Variants in ESRP1 observed in about 807,000 individuals in gnomAD.
ESRP1 encodes the protein RNA-binding motif protein 35A.
In ESRP1, 33 loss-of-function variants were observed where a neutral mutation model predicts 81.7. The observed-to-expected ratio is 0.40, with a 90% CI of 0.31 to 0.54. The LOEUF (loss-of-function observed/expected upper bound fraction) is 0.54. ESRP1 is among the 20% of genes least tolerant of loss of function. The pLI is 0.41. For synonymous variants in ESRP1, 320 were observed against 303.3 expected, an observed-to-expected ratio of 1.06 and a Z score of -0.57; for missense variants, 672 against 833.1, an observed-to-expected ratio of 0.81 and a Z score of 2.38.
chr8:94,672,309 A>C (rs867709028), intron 11 of ESRP1, among the ~76,000 whole-genome samples: 3 of 152,308 alleles, frequency 2.0e-5, no homozygotes, highest in South Asian at 4.1e-4. Context: ...TGTGGATCAT[A>C]ACAGGCTCTC....
At chr8:94,643,263 G>C (rs766872252) in intron 2 of ESRP1, 40 bp from the exon 3 acceptor site, 8 of 1,347,094 alleles carry the variant, frequency 5.9e-6, no homozygotes, top group Non-Finnish European at 8.5e-6. Flanking sequence ...TTTGTAAATC[G>C]TGCATCAGTT....
intron 12 of ESRP1, 136 bp downstream of exon 12, chr8:94,674,642 C>A: frequency 1.4e-6 from 1 of 697,058 alleles, no homozygotes; most frequent in Non-Finnish European, 2.3e-6. Context: ...CATCTGTAAT[C>A]AGTAGTACCT....
intron 9 of ESRP1, among the ~76,000 whole-genome samples, chr8:94,665,976 A>G (rs975982421): frequency 3.3e-5 from 5 of 152,206 alleles, no homozygotes; most frequent in Admixed American, 2.0e-4. Context: ...ATGGTTAAAA[A>G]CAGGGTGGAA....
At chr8:94,688,403 G>A (rs1809232204) in intron 13 of ESRP1, 1 of 279,322 alleles carries the variant, frequency 3.6e-6, no homozygotes, top group South Asian at 4.5e-5. Flanking sequence ...CAGAGCTGGG[G>A]AAATTGTTGT....
At position 94,668,162 on chromosome 8, in the gene ESRP1, A is replaced by G; in HGVS notation, c.1145A>G (p.Tyr382Cys). The change falls in exon 10 of 16, where the codon TAT becomes TGT. Residue 382 changes from tyrosine (Y) to cysteine (C), a missense_variant. Transcript: ENST00000433389. ...TTTGTCCTCTTTGCCTGTGAGGAAT[A>G]TGCACAGAATGCGTTGAGGAAGCAT... ...DAFVLFACEE[Y>C]AQNALRKHKD... 1 of 1,614,012 alleles carries G rather than the reference A, an allele frequency of 6.2e-7. No individual in the cohort carries two copies. The highest frequency in any genetic ancestry group is 8.5e-7 in the Non-Finnish European group (1 of 1,179,886).
chr8:94,657,723 C>G (rs1009952555), intron 4 of ESRP1, among the ~76,000 whole-genome samples: 2 of 152,178 alleles, frequency 1.3e-5, no homozygotes, highest in African/African-American at 4.8e-5. Flanking sequence ...AGCTACAAGT[C>G]TATTTCTAAC....
In ESRP1 at chr8:94,655,073, G is replaced by T. The variant is rs1327231045; in HGVS notation, c.491-7199G>T. On this transcript the variant is annotated intron_variant, in intron 4 of 15. Transcript: ENST00000433389. Reference sequence around the variant, plus strand: ...GAGGTTTTTTGGGTTTTTTGTGTGTGTGTGTGTGTGTGTGTTTTGTTTTGT... The same window carrying T: ...GAGGTTTTTTGGGTTTTTTGTGTGTTTGTGTGTGTGTGTGTTTTGTTTTGT... Among the ~76,000 whole-genome samples the T allele has an allele frequency of 9.4e-5, 11 of 117,352 alleles. No homozygotes were observed. The East Asian group carries it at 1.0e-3, about 11-fold the overall frequency. 77.0% of individuals were successfully genotyped at this position (117,352 alleles called of 152,430 possible). A position where few individuals can be genotyped will look rare whatever the true frequency, so the allele number is the denominator to read the frequency against.
intron 4 of ESRP1, among the ~76,000 whole-genome samples, chr8:94,650,983 G>A (rs1339167914): frequency 2.6e-5 from 4 of 152,124 alleles, no homozygotes; most frequent in Non-Finnish European, 5.9e-5. Flanking sequence ...GAGATTATAG[G>A]CGTGAGCCAC....
intron 11 of ESRP1, among the ~76,000 whole-genome samples, chr8:94,673,744 A>G (rs1819449591): frequency 6.6e-6 from 1 of 152,166 alleles, no homozygotes; most frequent in Admixed American, 6.5e-5. Flanking sequence ...CTCACAAATC[A>G]TCACTGGGCC....
At chr8:94,686,986 T>G (rs1175834487) in intron 13 of ESRP1, among the ~76,000 whole-genome samples, 1 of 152,218 alleles carries the variant, frequency 6.6e-6, no homozygotes, top group African/African-American at 2.4e-5. Flanking sequence ...CTATTTTAGG[T>G]GTTCGGTCAT....
intron 13 of ESRP1, among the ~76,000 whole-genome samples, chr8:94,684,340 C>T (rs962142151): frequency 6.6e-6 from 1 of 152,158 alleles, no homozygotes; most frequent in Non-Finnish European, 1.5e-5. Flanking sequence ...CTTTTAGGAG[C>T]ACTAACAGAA....
At chr8:94,652,125 T>C (rs1020687161) in intron 4 of ESRP1, among the ~76,000 whole-genome samples, 11 of 151,152 alleles carry the variant, frequency 7.3e-5, no homozygotes, top group African/African-American at 2.7e-4. Context: ...GTAGGTGAGA[T>C]TACAGGCATG....
chr8:94,652,479 G>GT (rs11390715), intron 4 of ESRP1, among the ~76,000 whole-genome samples: 24,789 of 146,456 alleles, frequency 0.17, 2,278 homozygotes, highest in African/African-American at 0.25. Context: ...GGCTTCTGTG[G>GT]TTTTTTTTTT....
intron 2 of ESRP1, among the ~76,000 whole-genome samples, 192 bp downstream of exon 2, chr8:94,642,276 C>T (rs1201438579): frequency 2.6e-5 from 4 of 152,248 alleles, no homozygotes; most frequent in African/African-American, 4.8e-5. Flanking sequence ...CTTCATCTCC[C>T]AGCCCCCAGG....
chr8:94,700,436 G>A (rs73695572), intron 15 of ESRP1, among the ~76,000 whole-genome samples: 3,087 of 152,286 alleles, frequency 0.02, 96 homozygotes, highest in African/African-American at 0.069. Flanking sequence ...TGTTGACACA[G>A]CCCAGGAGTG....
chr8:94,673,016 G>C (rs143064754), intron 11 of ESRP1, among the ~76,000 whole-genome samples: 2 of 152,308 alleles, frequency 1.3e-5, no homozygotes, highest in Non-Finnish European at 2.9e-5. Context: ...TGGAAAGCCT[G>C]TACCATTGGA....
chr8:94,651,033 C>G (rs2130557137), intron 4 of ESRP1, among the ~76,000 whole-genome samples: 1 of 152,028 alleles, frequency 6.6e-6, no homozygotes, highest in South Asian at 2.1e-4. Context: ...TGGTAAGTAC[C>G]AAGGAGTGTG....
intron 12 of ESRP1, 104 bp from the exon 13 acceptor site, chr8:94,678,095 CTCTT>C (rs1363238027): frequency 1.1e-5 from 13 of 1,173,946 alleles, no homozygotes; most frequent in African/African-American, 9.2e-5. Context: ...GAACTGTGGT[CTCTT>C]TCTTTAAAAT....
chr8:94,679,193 G>GT (rs1213049632), intron 13 of ESRP1, among the ~76,000 whole-genome samples: 1 of 152,100 alleles, frequency 6.6e-6, no homozygotes, highest in African/African-American at 2.4e-5. Flanking sequence ...TTTTAATTAT[G>GT]TTTTTTATTT....
Sources: gnomAD v4.1 joint callset for allele counts (sites outside exome capture counted in the v4.1 genomes callset) on GRCh38, gnomAD v4.1.1 for gene constraint, MANE v1.5 for transcripts, NCBI Gene and HGNC (gene_info 2026-07-23, HGNC 2026-07-21) for gene names.